The following SLC60A1 variants were observed in gnomAD, a reference collection of about 807,000 sequenced individuals.
SLC60A1 encodes major facilitator superfamily domain containing 4.
the SLC60A1 span, among the ~76,000 whole-genome samples, chr1:205,597,375 T>TG: frequency 2.5e-5 from 1 of 39,402 alleles, no homozygotes; most frequent in African/African-American, 1.2e-4. Flanking sequence ...CCTAGGTTGT[T>TG]TTTTTTTTTT....
At chr1:205,589,675 C>G in the SLC60A1 span, among the ~76,000 whole-genome samples, 3 of 152,074 alleles carry the variant, frequency 2.0e-5, no homozygotes, top group African/African-American at 7.2e-5. Context: ...TGGTCTTGAA[C>G]TCCTGGGCCC....
the SLC60A1 span, among the ~76,000 whole-genome samples, chr1:205,587,780 C>T: frequency 6.6e-6 from 1 of 151,836 alleles, no homozygotes; most frequent in Non-Finnish European, 1.5e-5. Context: ...GGAGTTGGGG[C>T]GAAACGATGT....
chr1:205,599,228 G>A, the SLC60A1 span: 2 of 1,614,078 alleles, frequency 1.2e-6, no homozygotes, highest in Non-Finnish European at 1.7e-6. Flanking sequence ...TTTTTCCACA[G>A]GATGCACCCT....
chr1:205,584,789 T>C, the SLC60A1 span: 3 of 1,246,156 alleles, frequency 2.4e-6, no homozygotes, highest in Non-Finnish European at 2.4e-6. Context: ...TGCAGGGCTC[T>C]TCTGACTGCC....
chr1:205,586,076 C>A, the SLC60A1 span: 1 of 1,612,666 alleles, frequency 6.2e-7, no homozygotes, highest in Non-Finnish European at 8.5e-7. Flanking sequence ...TGTGGAGAAG[C>A]CCCTGTCTGT....
At chr1:205,577,954 C>G in the SLC60A1 span, among the ~76,000 whole-genome samples, 1 of 152,198 alleles carries the variant, frequency 6.6e-6, no homozygotes, top group South Asian at 2.1e-4. This position sits in a 1 kb window ranked among gnomAD's most constrained non-coding sequence, Gnocchi z 5.2. Flanking sequence ...GTCAGCAGAC[C>G]GTAGTACTCG....
At chr1:205,602,313 G>T in the SLC60A1 span, 2 of 152,714 alleles carry the variant, frequency 1.3e-5, no homozygotes, top group Non-Finnish European at 2.9e-5. Context: ...ACAGCTGAGT[G>T]CTGAGAATCT....
the SLC60A1 span, chr1:205,580,600 C>T: frequency 6.3e-7 from 1 of 1,581,264 alleles, no homozygotes; most frequent in Non-Finnish European, 8.6e-7. The surrounding 1 kb of genome is among the most constrained non-coding windows in gnomAD (Gnocchi z 5.0). Flanking sequence ...GGCCAGGCCA[C>T]CACTTCCCCG....
At chr1:205,579,295 C>T in the SLC60A1 span, among the ~76,000 whole-genome samples, 1 of 150,604 alleles carries the variant, frequency 6.6e-6, no homozygotes, top group Non-Finnish European at 1.5e-5. Context: ...GCAGCCAGCG[C>T]CAATTCCTGG....
the SLC60A1 span, chr1:205,600,726 G>A: frequency 8.8e-6 from 4 of 453,152 alleles, no homozygotes. Context: ...TGGGAAGGAA[G>A]GAGACAGCCG....
the SLC60A1 span, chr1:205,586,269 GC>G: frequency 6.3e-7 from 1 of 1,590,520 alleles, no homozygotes; most frequent in East Asian, 2.2e-5. Context: ...CCTCCTCCTG[GC>G]CCTACCCCAG....
chr1:205,586,111 C>G, the SLC60A1 span: 1 of 1,613,658 alleles, frequency 6.2e-7, no homozygotes, highest in Non-Finnish European at 8.5e-7. Flanking sequence ...CTGGCTACCT[C>G]CCCAGCCTCT....
the SLC60A1 span, among the ~76,000 whole-genome samples, chr1:205,574,304 G>A: frequency 6.6e-6 from 1 of 151,794 alleles, no homozygotes; most frequent in East Asian, 2.0e-4. Context: ...AATTAGCTGG[G>A]CATGGTGGTG....
the SLC60A1 span, among the ~76,000 whole-genome samples, chr1:205,576,874 G>A: frequency 2.0e-5 from 3 of 152,096 alleles, no homozygotes; most frequent in South Asian, 4.1e-4. Flanking sequence ...GGTCTCCATC[G>A]CCCTAACCTC....
At chr1:205,601,681 T>A in the SLC60A1 span, 1 of 152,512 alleles carries the variant, frequency 6.6e-6, no homozygotes, top group African/African-American at 2.4e-5. Context: ...CCTCCCAGTT[T>A]CAAGCGATTC....
the SLC60A1 span, among the ~76,000 whole-genome samples, chr1:205,584,700 C>T: frequency 6.6e-6 from 1 of 152,072 alleles, no homozygotes; most frequent in Non-Finnish European, 1.5e-5. Context: ...AGCCTTGGCT[C>T]CACCAAGACT....
the SLC60A1 span, among the ~76,000 whole-genome samples, chr1:205,571,570 G>A: frequency 6.6e-6 from 1 of 152,134 alleles, no homozygotes; most frequent in African/African-American, 2.4e-5. Context: ...ATGCCATGAA[G>A]AACTCTTTCC....
the SLC60A1 span, chr1:205,602,079 A>G: frequency 1.3e-5 from 2 of 152,244 alleles, no homozygotes; most frequent in Admixed American, 1.3e-4. Flanking sequence ...TTGCCAGCTT[A>G]GACAGGGATC....
the SLC60A1 span, among the ~76,000 whole-genome samples, chr1:205,577,761 C>T: frequency 1.3e-5 from 2 of 152,180 alleles, no homozygotes; most frequent in East Asian, 1.9e-4. The surrounding 1 kb of genome is among the most constrained non-coding windows in gnomAD (Gnocchi z 5.2). Context: ...ACACACACTC[C>T]TCCCTGGAAA....
Sources: allele counts gnomAD v4.1 joint callset (sites outside exome capture counted in the v4.1 genomes callset), GRCh38; gene constraint gnomAD v4.1.1; non-coding constraint Gnocchi (gnomAD v3.1); transcripts MANE v1.5; gene names NCBI Gene and HGNC (gene_info 2026-07-23, HGNC 2026-07-21).